Variants in SLC16A3 observed in about 807,000 individuals in gnomAD.
The protein encoded by SLC16A3 is monocarboxylate transporter 4.
A neutral mutation model predicts 25.0 loss-of-function variants in SLC16A3; 22 were observed. The ratio of observed to expected loss-of-function variants is 0.88; its 90% CI spans 0.63 to 1.26. The LOEUF (loss-of-function observed/expected upper bound fraction) is 1.26, where lower values mean the gene tolerates loss of function less well. SLC16A3 is among the 50% of genes most tolerant of loss of function. The pLI, the probability that SLC16A3 is intolerant of heterozygous loss-of-function variation, is 0.00. For synonymous variants in SLC16A3, 390 were observed against 309.2 expected (o/e 1.26, Z -2.74); for missense variants, 731 against 666.6 (o/e 1.10, Z -1.06).
chr17:82,237,281 C>A lies in SLC16A3; in HGVS notation c.511C>A (p.Gln171Lys), dbSNP rs1167099637. 11 of 1,564,394 alleles carry A rather than the reference C, an allele frequency of 7.0e-6. No homozygotes were observed. Among genetic ancestry groups the A allele is most frequent in the Non-Finnish European group, 9.5e-6 (11 of 1,154,752 alleles). Residue 171 changes from glutamine to lysine, a missense_variant, in exon 4 of 5, where the codon CAG (glutamine) becomes AAG (lysine). Transcript: ENST00000582743. Reference sequence around the variant, plus strand: ...CCTGAGCCCGCTGGGGCAGCTGCTGCAGGACCGCTACGGCTGGCGGGGCGG... The same window carrying A: ...CCTGAGCCCGCTGGGGCAGCTGCTGAAGGACCGCTACGGCTGGCGGGGCGG... Reference protein sequence around the residue: ...CALSPLGQLLQDRYGWRGGFL... With the variant: ...CALSPLGQLLKDRYGWRGGFL...
chr17:82,235,495 A>T (rs2050581473), intron 1 of SLC16A3: 1 of 164,946 alleles, frequency 6.1e-6, no homozygotes, highest in Non-Finnish European at 1.3e-5. Context: ...AGAGCAAGGC[A>T]CGCTCCACCT....
chr17:82,231,225 C>G (rs1022981240), intron 1 of SLC16A3: 12 of 152,210 alleles, frequency 7.9e-5, no homozygotes, highest in Non-Finnish European at 1.5e-4. Flanking sequence ...CCGCGCCGAC[C>G]CCCGCCCGCA....
intron 4 of SLC16A3, among the ~76,000 whole-genome samples, chr17:82,238,135 G>T (rs112860574): frequency 2.0e-4 from 30 of 152,366 alleles, no homozygotes; most frequent in African/African-American, 4.8e-4. Context: ...CTGGGCCCGG[G>T]GGGGGGCAGC....
chr17:82,239,792 T>G lies in SLC16A3; in HGVS notation c.*816T>G. 2.5e-6 allele frequency: 1 copy of G among 398,432 alleles called. No homozygotes were observed. Among genetic ancestry groups the G allele is most frequent in the Non-Finnish European group, 4.4e-6 (1 of 227,164 alleles). 24.7% of individuals were successfully genotyped at this position (398,432 alleles called of 1,614,324 possible). ...ACAGGACCCTCCTGCCTTCCCTTTT[T>G]CGCCCCTCTGCCTGGCTGGCAGTGT... On this transcript the variant is annotated 3_prime_UTR_variant, in exon 5 of 5. Transcript: ENST00000582743.
chr17:82,232,911 G>A (rs1399443537), intron 1 of SLC16A3, among the ~76,000 whole-genome samples: 3 of 146,400 alleles, frequency 2.0e-5, no homozygotes, highest in Non-Finnish European at 4.6e-5. Context: ...TGCTTCCTGG[G>A]GGGCGGCGGG....
intron 1 of SLC16A3, among the ~76,000 whole-genome samples, chr17:82,219,248 T>G (rs1224871928): frequency 6.6e-6 from 1 of 151,926 alleles, no homozygotes; most frequent in Non-Finnish European, 1.5e-5. Context: ...CTGCTGGGCC[T>G]GCAGGTCTGA....
chr17:82,235,054 CTG>C (rs2050574280), intron 1 of SLC16A3: 2 of 152,282 alleles, frequency 1.3e-5, no homozygotes, highest in African/African-American at 4.8e-5. Flanking sequence ...AGATGGAAGT[CTG>C]ACCTCGGGTT....
rs1568540182 is a variant in SLC16A3 at position 82,237,419 on chromosome 17, C to T, written c.649C>T (p.Leu217=). 2 of 1,576,840 alleles carry T rather than the reference C, an allele frequency of 1.3e-6. No homozygotes were observed. Among genetic ancestry groups the T allele is most frequent in the East Asian group, 2.3e-5 (1 of 43,100 alleles). ...GGGGCCGCCGCGACCCTCCCGGCGCCTGCTAGACCTGAGCGTCTTCCGGGA... is the reference window on the plus strand; with the variant it reads ...GGGGCCGCCGCGACCCTCCCGGCGCTTGCTAGACCTGAGCGTCTTCCGGGA... The part of the protein sequence containing the change: ...GSGPPRPSRR[L]LDLSVFRDRG... The change falls in exon 4 of 5, where the codon CTG becomes TTG. Residue 217 remains leucine, a synonymous_variant. Coordinates refer to ENST00000582743, the MANE Select transcript of SLC16A3 (RefSeq NM_004207.4).
At chr17:82,219,631 T>C (rs988637823) in intron 1 of SLC16A3, among the ~76,000 whole-genome samples, 1 of 152,034 alleles carries the variant, frequency 6.6e-6, no homozygotes, top group Non-Finnish European at 1.5e-5. Context: ...CTGGGGCCCC[T>C]GCCTGGACTG....
intron 1 of SLC16A3, chr17:82,229,662 C>T (rs1314298659): frequency 6.6e-6 from 1 of 152,332 alleles, no homozygotes; most frequent in African/African-American, 2.4e-5. Context: ...GGGACCCTCT[C>T]CAGAGCCAGG....
chr17:82,232,734 G>A (rs1475985985), intron 1 of SLC16A3, among the ~76,000 whole-genome samples: 2 of 152,172 alleles, frequency 1.3e-5, no homozygotes, highest in East Asian at 1.9e-4. Context: ...TGGGACGCAG[G>A]GTCTCCTGCA....
chr17:82,230,917 C>G (rs2050484112), intron 1 of SLC16A3: 1 of 152,236 alleles, frequency 6.6e-6, no homozygotes, highest in East Asian at 1.9e-4. Flanking sequence ...GTTCACGAGT[C>G]GACGCCCCCG....
upstream of SLC16A3, chr17:82,228,338 G>C (rs1380714461): frequency 1.3e-5 from 2 of 152,290 alleles, no homozygotes; most frequent in Admixed American, 1.3e-4. Flanking sequence ...TCTGGGCCGC[G>C]AGAGGGGCGG....
intron 4 of SLC16A3, among the ~76,000 whole-genome samples, 157 bp from the exon 5 acceptor site, chr17:82,238,545 A>G (rs1239091774): frequency 6.6e-6 from 1 of 152,078 alleles, no homozygotes; most frequent in Non-Finnish European, 1.5e-5. Context: ...CCCAGCTGAA[A>G]CACATGGAGG....
At chr17:82,219,432 G>T (rs968810650) in intron 1 of SLC16A3, among the ~76,000 whole-genome samples, 2 of 152,180 alleles carry the variant, frequency 1.3e-5, no homozygotes, top group South Asian at 2.1e-4. Flanking sequence ...GGGAAGGTCC[G>T]GTCACCCCCA....
chr17:82,229,298 G>GCCGCGCCCCGCCGCGCCCCT (rs2050456596), intron 1 of SLC16A3, 192 bp downstream of exon 1: 1 of 147,592 alleles, frequency 6.8e-6, no homozygotes, highest in African/African-American at 2.7e-5. Flanking sequence ...CCGAGAGCCA[G>GCCGCGCCCCGCCGCGCCCCT]CCGCGCCCCT....
chr17:82,219,873 G>A (rs1027309950), intron 1 of SLC16A3, among the ~76,000 whole-genome samples: 2 of 152,006 alleles, frequency 1.3e-5, no homozygotes, highest in African/African-American at 2.4e-5. Context: ...CAGGGCCGAC[G>A]TGGGCTCCAA....
At position 82,239,972 on chromosome 17, in the gene SLC16A3, G is replaced by C. The variant is rs1252260082; in HGVS notation, c.*996G>C. On this transcript the variant is annotated 3_prime_UTR_variant, in exon 5 of 5. Transcript: ENST00000582743. Reference sequence around the variant, plus strand: ...GGGAGCCCGGTCAGAGGCCGCCGGGGCCCTCAGTAGGTGCGTCGTGGGCGC... The same window carrying C: ...GGGAGCCCGGTCAGAGGCCGCCGGGCCCCTCAGTAGGTGCGTCGTGGGCGC... 11 of 1,232,936 alleles carry C rather than the reference G, an allele frequency of 8.9e-6. No homozygotes were observed. Among genetic ancestry groups the C allele is most frequent in the Non-Finnish European group, 1.1e-5 (11 of 987,264 alleles). The allele number at this position is 1,232,936 out of a possible 1,614,324, so 76.4% of individuals were successfully genotyped here. A position where few individuals can be genotyped will look rare whatever the true frequency, so the allele number is the denominator to read the frequency against.
At position 82,237,544 on chromosome 17, in the gene SLC16A3, G is replaced by A. The variant is rs200418920; in HGVS notation, c.774G>A (p.Val258=). Residue 258 remains valine, a synonymous_variant, in exon 4 of 5, where the codon GTG becomes GTA. Coordinates refer to ENST00000582743, the MANE Select transcript of SLC16A3 (RefSeq NM_004207.4). ...FVVSYAKDLG[V]PDTKAAFLLT... ...TGAGCTACGCCAAGGACCTGGGCGT[G>A]CCCGACACCAAGGCCGCCTTCCTGC... 9 of 1,611,314 alleles carry A rather than the reference G, an allele frequency of 5.6e-6. No individual in the cohort carries two copies. The highest frequency in any genetic ancestry group is 1.7e-4 in the Middle Eastern group (1 of 6,056).
Sources: allele counts gnomAD v4.1 joint callset (sites outside exome capture counted in the v4.1 genomes callset), GRCh38; gene constraint gnomAD v4.1.1; transcripts MANE v1.5; gene names NCBI Gene and HGNC (gene_info 2026-07-23, HGNC 2026-07-21).